PFKFB3: variants seen among roughly 807,000 people sequenced by gnomAD.
PFKFB3 encodes the protein 6-phosphofructo-2-kinase/fructose-2,6-bisphosphatase 3.
A neutral mutation model predicts 68.0 loss-of-function variants in PFKFB3; 33 were observed. The observed-to-expected ratio is 0.49, with a 90% CI of 0.37 to 0.65. The LOEUF is 0.65. PFKFB3 is among the 30% of genes least tolerant of loss of function. PFKFB3 has a pLI of 0.00. For missense variants in PFKFB3, 586 were observed against 712.2 expected, an observed-to-expected ratio of 0.82 and a Z score of 2.02; for synonymous variants, 315 against 288.2, an observed-to-expected ratio of 1.09 and a Z score of -0.94.
chr10:6,268,699 G>C, the PFKFB3 span, among the ~76,000 whole-genome samples: 1 of 149,660 alleles, frequency 6.7e-6, no homozygotes, highest in African/African-American at 2.4e-5. Context: ...TTTTGTACTG[G>C]ATCATACATT....
chr10:6,251,187 A>T (rs1846373667), intron 14 of PFKFB3, among the ~76,000 whole-genome samples: 1 of 152,226 alleles, frequency 6.6e-6, no homozygotes. Flanking sequence ...TTCAGAAGGC[A>T]AGGATGGGGT....
At chr10:6,197,144 C>A (rs1004814750) in intron 1 of PFKFB3, among the ~76,000 whole-genome samples, 2 of 151,974 alleles carry the variant, frequency 1.3e-5, no homozygotes, top group Non-Finnish European at 2.9e-5. Flanking sequence ...GCCACCATGC[C>A]CAGCTAATTT....
chr10:6,171,409 T>G (rs1167081480), intron 1 of PFKFB3, among the ~76,000 whole-genome samples: 1 of 151,774 alleles, frequency 6.6e-6, no homozygotes, highest in East Asian at 1.9e-4. Flanking sequence ...TCTTTTTTTT[T>G]TTTTTGGAGA....
At chr10:6,259,184 TATCCATCCATCCATCC>T (rs199968075), downstream of PFKFB3, among the ~76,000 whole-genome samples, 1 of 138,442 alleles carries the variant, frequency 7.2e-6, no homozygotes, top group East Asian at 2.2e-4. Flanking sequence ...CCCATCCATC[TATCCATCCATCCATCC>T]ATCCATCCAT....
intron 1 of PFKFB3, among the ~76,000 whole-genome samples, chr10:6,178,784 G>A (rs1842613668): frequency 6.6e-6 from 1 of 152,218 alleles, no homozygotes; most frequent in African/African-American, 2.4e-5. Flanking sequence ...GAGGGCCTGG[G>A]GTGTGTCCAG....
chr10:6,295,479 A>G, the PFKFB3 span, among the ~76,000 whole-genome samples: 143,392 of 151,864 alleles, frequency 0.94, 68,251 homozygotes, highest in East Asian at 1. Flanking sequence ...CCCCACCTTG[A>G]CCTCCCAAAG....
rs1171752548 is a variant in PFKFB3, at chr10:6,233,493, C to T, written c.*551C>T. 1 of 152,666 alleles carries T rather than the reference C, an allele frequency of 6.6e-6. No individual in the cohort carries two copies. The highest frequency in any genetic ancestry group is 2.4e-5 in the African/African-American group (1 of 41,476). The allele number at this position is 152,666 out of a possible 1,614,324, so 9.5% of individuals were successfully genotyped here. ...AGGTGTTGGGTTGAGGCCTCTTCTGCAGGAAGTCCCTGAGCTGAGACGCAA... is the reference window on the plus strand; with the variant it reads ...AGGTGTTGGGTTGAGGCCTCTTCTGTAGGAAGTCCCTGAGCTGAGACGCAA... On this transcript the variant is annotated 3_prime_UTR_variant, in exon 15 of 15. Coordinates refer to ENST00000379775, the MANE Select transcript of PFKFB3 (RefSeq NM_004566.4).
chr10:6,244,734 G>A (rs575791882), intron 14 of PFKFB3, among the ~76,000 whole-genome samples: 1 of 148,968 alleles, frequency 6.7e-6, no homozygotes, highest in Non-Finnish European at 1.5e-5. Context: ...ATATAAGCAC[G>A]TTGGACTGGA....
intron 1 of PFKFB3, among the ~76,000 whole-genome samples, chr10:6,157,639 C>T (rs1841849716): frequency 6.6e-6 from 1 of 152,124 alleles, no homozygotes; most frequent in African/African-American, 2.4e-5. Flanking sequence ...CCCCATTTCC[C>T]GGGTCCTGTT....
upstream of PFKFB3, chr10:6,144,933 T>C: frequency 1.7e-6 from 2 of 1,210,874 alleles, no homozygotes; most frequent in Non-Finnish European, 1.0e-6. Context: ...GTCGCGGGGC[T>C]GCCGCTTGGA....
intron 1 of PFKFB3, among the ~76,000 whole-genome samples, chr10:6,157,784 G>GA (rs886860112): frequency 6.6e-6 from 1 of 152,140 alleles, no homozygotes; most frequent in Non-Finnish European, 1.5e-5. Context: ...TGCTTTATAG[G>GA]AAATGGATTT....
At chr10:6,177,104 G>A (rs946132058) in intron 1 of PFKFB3, among the ~76,000 whole-genome samples, 1 of 152,194 alleles carries the variant, frequency 6.6e-6, no homozygotes, top group African/African-American at 2.4e-5. Context: ...GTCATGCAGT[G>A]TCCTGGTTCA....
intron 1 of PFKFB3, among the ~76,000 whole-genome samples, chr10:6,176,681 C>T (rs941231723): frequency 3.3e-5 from 5 of 152,194 alleles, no homozygotes; most frequent in African/African-American, 9.6e-5. Context: ...CCACCACACC[C>T]GGCCTCCATG....
chr10:6,318,781 G>C, the PFKFB3 span, among the ~76,000 whole-genome samples: 1 of 152,142 alleles, frequency 6.6e-6, no homozygotes, highest in Non-Finnish European at 1.5e-5. Flanking sequence ...ATCAGTCCTC[G>C]GGGTGGTGAA....
the PFKFB3 span, among the ~76,000 whole-genome samples, chr10:6,281,469 T>C: frequency 6.6e-6 from 1 of 151,952 alleles, no homozygotes; most frequent in Non-Finnish European, 1.5e-5. Context: ...AAATTTGGCA[T>C]TGGTAGAAGA....
At chr10:6,312,750 G>A in the PFKFB3 span, among the ~76,000 whole-genome samples, 1 of 152,080 alleles carries the variant, frequency 6.6e-6, no homozygotes, top group East Asian at 1.9e-4. Context: ...TTTGGAGACC[G>A]GCCGACTGCT....
intron 1 of PFKFB3, among the ~76,000 whole-genome samples, chr10:6,212,014 G>C (rs536559418): frequency 6.6e-6 from 1 of 152,354 alleles, no homozygotes; most frequent in South Asian, 2.1e-4. Flanking sequence ...AGGGGTGGTG[G>C]CTCCCGCAGC....
chr10:6,161,280 G>A (rs759456380), intron 1 of PFKFB3, among the ~76,000 whole-genome samples: 22 of 151,988 alleles, frequency 1.4e-4, no homozygotes, highest in Non-Finnish European at 1.5e-4. Flanking sequence ...CAAGACTTAC[G>A]ACTCAGGGCC....
intron 1 of PFKFB3, among the ~76,000 whole-genome samples, chr10:6,168,447 G>C (rs943393133): frequency 6.6e-6 from 1 of 152,182 alleles, no homozygotes; most frequent in Admixed American, 6.5e-5. Context: ...AAACATCTCT[G>C]TGCTTCAGTT....
Sources: gnomAD v4.1 joint callset for allele counts (sites outside exome capture counted in the v4.1 genomes callset) on GRCh38, gnomAD v4.1.1 for gene constraint, MANE v1.5 for transcripts, NCBI Gene and HGNC (gene_info 2026-07-23, HGNC 2026-07-21) for gene names.